EXT1: variants seen among roughly 807,000 people sequenced by gnomAD.
EXT1 encodes exostosin glycosyltransferase 1, also known as exostosin-1.
EXT1 carries 20 observed loss-of-function variants against 82.5 expected under a neutral mutation model. The observed-to-expected ratio is 0.24, with a 90% CI of 0.17 to 0.35. The LOEUF (loss-of-function observed/expected upper bound fraction) is 0.35, where lower values mean the gene tolerates loss of function less well. Among genes scored for constraint, EXT1 ranks in the 10% least tolerant of loss-of-function variants. The probability of loss-of-function intolerance (pLI) is 1.00; values close to 1 mark genes in which losing one functional copy is unlikely to be tolerated. For synonymous variants in EXT1, 348 were observed against 350.8 expected (o/e 0.99, Z 0.09); for missense variants, 757 against 936.5 (o/e 0.81, Z 2.50).
In EXT1 at chr8:117,822,533, C is replaced by T. The variant is rs1811942159; in HGVS notation, c.1349G>A (p.Gly450Glu). The change falls in exon 5 of 11, where the codon GGA (glycine) becomes GAA (glutamate). Residue 450 changes from glycine (G) to glutamate (E), a missense_variant. By Grantham distance (98) the Gly-to-Glu change is moderately conservative. Transcript: ENST00000378204. ...RNSLIWNKHP[G>E]GLFVLPQYSS... The stretch of plus-strand genomic sequence containing the variant: ...ATACTGTGGTAGTACGAACAATCCT[C>T]CAGGATGTTTGTTCCATATTAAACT... 1 of 1,613,198 alleles carries T rather than the reference C, an allele frequency of 6.2e-7. No individual in the cohort carries two copies.
chr8:117,900,874 A>T (rs17430568), intron 1 of EXT1, among the ~76,000 whole-genome samples: 5,005 of 152,336 alleles, frequency 0.033, 99 homozygotes, highest in Non-Finnish European at 0.05. Flanking sequence ...TCTTGATGCT[A>T]AGTGTTTTAC....
chr8:118,068,308 A>G (rs1254996716), intron 1 of EXT1, among the ~76,000 whole-genome samples: 1 of 152,232 alleles, frequency 6.6e-6, no homozygotes, highest in East Asian at 1.9e-4. Context: ...CCTGTCTTAC[A>G]GGGAGATCAC....
At position 117,884,989 on chromosome 8, in the gene EXT1, C is replaced by A. The variant is rs193236851; in HGVS notation, c.963-47788G>T. 5.3e-5 allele frequency among the ~76,000 whole-genome samples: 8 copies of A among 152,270 alleles called. No individual in the cohort carries two copies. In the East Asian group the frequency reaches 1.5e-3, roughly 29 times the overall value. ...AAGTGGTTTTCTAGTTAATACAGGC[C>A]TGCTGATTTTTTCCCGTGAGTGCAG... On this transcript the variant is annotated intron_variant, in intron 1 of 10. Coordinates refer to ENST00000378204, the MANE Select transcript of EXT1 (RefSeq NM_000127.3).
intron 1 of EXT1, among the ~76,000 whole-genome samples, chr8:118,089,838 G>A (rs771599869): frequency 4.6e-5 from 7 of 152,168 alleles, no homozygotes; most frequent in South Asian, 2.1e-4. Context: ...TGTGGTGTGC[G>A]CGTGCATGAG....
chr8:118,072,168 G>T (rs942088194), intron 1 of EXT1, among the ~76,000 whole-genome samples: 1 of 152,098 alleles, frequency 6.6e-6, no homozygotes, highest in Non-Finnish European at 1.5e-5. Context: ...AGAGGTACAC[G>T]GTGAGCATGA....
intron 1 of EXT1, among the ~76,000 whole-genome samples, chr8:118,102,262 G>A (rs182827380): frequency 5.9e-5 from 9 of 151,452 alleles, no homozygotes; most frequent in African/African-American, 1.7e-4. Flanking sequence ...GCAAGACTCT[G>A]TCTCAAAATA....
Position 118,110,112 on chromosome 8 carries a change from C to T in EXT1, c.935G>A (p.Cys312Tyr). Residue 312 changes from cysteine (C) to tyrosine (Y), a missense_variant, in exon 1 of 11, where the codon TGT becomes TAT. Coordinates refer to ENST00000378204, the MANE Select transcript of EXT1 (RefSeq NM_000127.3). ...KDWQKHKDSR[C>Y]DRDNTEYEKY... ...CTCATACTCGGTGTTGTCTCTGTCA[C>T]AGCGAGAATCCTTGTGCTTTTGCCA... 6.2e-7 allele frequency: 1 copy of T among 1,614,204 alleles called. No individual in the cohort carries two copies. Among genetic ancestry groups the T allele is most frequent in the Non-Finnish European group, 8.5e-7 (1 of 1,180,050 alleles).
chr8:117,831,527 C>T, intron 3 of EXT1: 3 of 469,284 alleles, frequency 6.4e-6, no homozygotes, highest in Non-Finnish European at 1.3e-5. Context: ...AGTTCAAGGT[C>T]TATTTCATTT....
chr8:118,038,872 G>A (rs534940829), intron 1 of EXT1, among the ~76,000 whole-genome samples: 142 of 152,308 alleles, frequency 9.3e-4, no homozygotes, highest in Middle Eastern at 3.4e-3. Flanking sequence ...CATGGCGTCT[G>A]TTCCTCTTTT....
chr8:118,021,921 G>A (rs745470301), intron 1 of EXT1, among the ~76,000 whole-genome samples: 5 of 152,266 alleles, frequency 3.3e-5, no homozygotes, highest in East Asian at 1.9e-4. Flanking sequence ...GAGCAAGTCC[G>A]AATTCCACCT....
chr8:117,967,508 A>C (rs963028811), intron 1 of EXT1, among the ~76,000 whole-genome samples: 2 of 120,096 alleles, frequency 1.7e-5, no homozygotes, highest in Admixed American at 9.7e-5. Flanking sequence ...ACTTGAGAGA[A>C]TGTGTTTATA....
chr8:118,110,094 T>G lies in EXT1; in HGVS notation c.953A>C (p.Glu318Ala). 1 of 1,614,088 alleles carries G rather than the reference T, an allele frequency of 6.2e-7. No individual in the cohort carries two copies. The highest frequency in any genetic ancestry group is 8.5e-7 in the Non-Finnish European group (1 of 1,180,036). The change falls in exon 1 of 11, where the codon GAG becomes GCG. Residue 318 changes from glutamate to alanine, a missense_variant. By Grantham distance (107) the Glu-to-Ala change is moderately radical (BLOSUM62 -1). Coordinates refer to ENST00000378204, the MANE Select transcript of EXT1 (RefSeq NM_000127.3). ...CAGCCCAGACACTTACTTCTCATACTCGGTGTTGTCTCTGTCACAGCGAGA... is the reference window on the plus strand; with the variant it reads ...CAGCCCAGACACTTACTTCTCATACGCGGTGTTGTCTCTGTCACAGCGAGA... ...KDSRCDRDNT[E>A]YEKYDYREML...
chr8:118,100,446 G>A (rs771499073), intron 1 of EXT1, among the ~76,000 whole-genome samples: 13 of 152,104 alleles, frequency 8.5e-5, no homozygotes, highest in African/African-American at 2.4e-4. Flanking sequence ...CTCAACTGGC[G>A]AGGACTTAAA....
chr8:118,053,293 A>C (rs1469649846), intron 1 of EXT1, among the ~76,000 whole-genome samples: 1 of 151,778 alleles, frequency 6.6e-6, no homozygotes, highest in Non-Finnish European at 1.5e-5. Flanking sequence ...GAGGGAGATG[A>C]CCCTTCGGCC....
chr8:118,037,846 T>TG (rs1816453272), intron 1 of EXT1, among the ~76,000 whole-genome samples: 1 of 147,762 alleles, frequency 6.8e-6, no homozygotes, highest in Non-Finnish European at 1.5e-5. Context: ...GTTTTTTTTT[T>TG]TTTTTTTTTT....
chr8:118,073,176 G>A (rs2447528), intron 1 of EXT1, among the ~76,000 whole-genome samples: 2 of 152,002 alleles, frequency 1.3e-5, no homozygotes, highest in Non-Finnish European at 2.9e-5. Context: ...CTAGGAGTCT[G>A]TACAAATTTT....
At chr8:117,829,569 C>CTTTTTTTT (rs35823668) in intron 4 of EXT1, among the ~76,000 whole-genome samples, 47 of 96,872 alleles carry the variant, frequency 4.9e-4, no homozygotes, top group East Asian at 1.1e-3. Context: ...ATATATTTTT[C>CTTTTTTTT]TTTTTTTTTT....
intron 2 of EXT1, 28 bp downstream of exon 2, chr8:117,837,080 A>G (rs571626656): frequency 1.3e-6 from 2 of 1,572,378 alleles, no homozygotes; most frequent in African/African-American, 1.3e-5. Context: ...CCTCAGCCCT[A>G]TTCTGGGAAG....
chr8:117,917,302 C>T (rs1039495082), intron 1 of EXT1, among the ~76,000 whole-genome samples: 7 of 151,972 alleles, frequency 4.6e-5, no homozygotes, highest in African/African-American at 7.3e-5. Flanking sequence ...GGCTTAATCC[C>T]GTCTCTACCA....
Sources: allele counts gnomAD v4.1 joint callset (sites outside exome capture counted in the v4.1 genomes callset), GRCh38; gene constraint gnomAD v4.1.1; transcripts MANE v1.5; gene names NCBI Gene and HGNC (gene_info 2026-07-23, HGNC 2026-07-21).